The following NAV1 variants were observed in gnomAD, a reference collection of about 807,000 sequenced individuals.
The protein encoded by NAV1 is pore membrane and/or filament interacting like protein 3.
Under a neutral mutation model 175.2 loss-of-function variants are expected in NAV1, and 18 were observed. The observed-to-expected ratio is 0.10, with a 90% confidence interval of 0.07 to 0.15. The LOEUF (loss-of-function observed/expected upper bound fraction) is 0.15, where lower values mean the gene tolerates loss of function less well. Among genes scored for constraint, NAV1 ranks in the 10% least tolerant of loss-of-function variants. The pLI is 1.00. For missense variants in NAV1, 1,731 were observed against 2,436.6 expected, an observed-to-expected ratio of 0.71 and a Z score of 6.10; for synonymous variants, 897 against 978.7, an observed-to-expected ratio of 0.92 and a Z score of 1.56.
At chr1:201,659,420 A>G (rs1036646326) in intron 1 of NAV1, among the ~76,000 whole-genome samples, 1 of 152,222 alleles carries the variant, frequency 6.6e-6, no homozygotes. Context: ...ATTCAAGACC[A>G]GTGTGGGCAA....
chr1:201,678,237 A>G (rs1200647217), intron 1 of NAV1, among the ~76,000 whole-genome samples: 1 of 152,250 alleles, frequency 6.6e-6, no homozygotes, highest in Non-Finnish European at 1.5e-5. Flanking sequence ...TGGAAATACT[A>G]GAACACAAGT....
At chr1:201,612,564 T>C (rs1177843888) in intron 2 of NAV1, among the ~76,000 whole-genome samples, 3 of 152,176 alleles carry the variant, frequency 2.0e-5, no homozygotes, top group African/African-American at 4.8e-5. Context: ...TGAAGGCCTG[T>C]TCCCCATAGA....
intron 1 of NAV1, among the ~76,000 whole-genome samples, chr1:201,696,912 A>T (rs12748583): frequency 6.6e-6 from 1 of 152,094 alleles, no homozygotes; most frequent in African/African-American, 2.4e-5. Context: ...CCTGGCGCAC[A>T]CTCGGGAAAT....
At position 201,813,360 on chromosome 1, in the gene NAV1, T is replaced by C; in HGVS notation, c.5340+102T>C. 3 of 775,314 alleles carry C rather than the reference T, an allele frequency of 3.9e-6. No individual in the cohort carries two copies. Among genetic ancestry groups the C allele is most frequent in the Non-Finnish European group, 6.3e-6 (3 of 473,664 alleles). The allele number at this position is 775,314 out of a possible 1,614,324, so 48.0% of individuals were successfully genotyped here. On this transcript the variant is annotated intron_variant, in intron 28 of 29. Coordinates refer to ENST00000367296, the Ensembl canonical transcript of NAV1. This position sits in a 1 kb window ranked among gnomAD's most constrained non-coding sequence, Gnocchi z 4.2. ...TAGGCATGGGACTACTAGGATTAGT[T>C]AGGTTCTCTTTCTAACAGGTGGAGC... is the stretch of plus-strand genomic sequence containing the variant.
chr1:201,814,151 C>T (rs371807629), intron 28 of NAV1, among the ~76,000 whole-genome samples: 1 of 151,956 alleles, frequency 6.6e-6, no homozygotes, highest in Admixed American at 6.6e-5. Flanking sequence ...AAGGCTGAGG[C>T]GAGAGGACTA....
rs775945591 is a variant in NAV1, at chr1:201,782,444, G to T, written c.1932G>T (p.Gly644=). 1.2e-6 allele frequency: 2 copies of T among 1,614,118 alleles called. No homozygotes were observed. The highest frequency in any genetic ancestry group is 2.2e-5 in the South Asian group (2 of 91,090). Residue 644 remains glycine (G), a synonymous_variant, in exon 6 of 30, where the codon GGG becomes GGT. Transcript: ENST00000367296. This position sits in a 1 kb window ranked among gnomAD's most constrained non-coding sequence, Gnocchi z 5.4. The stretch of plus-strand genomic sequence containing the variant: ...GCATCCCTGTCAAGCCAGTAAATGG[G>T]CGCAAGACTAGCTTAGATGTTTCCA...
chr1:201,638,104 C>G (rs532847635), intron 2 of NAV1, among the ~76,000 whole-genome samples: 60 of 152,320 alleles, frequency 3.9e-4, no homozygotes, highest in African/African-American at 1.4e-3. Context: ...CAGAGATTCT[C>G]TAGCTCCTCC....
intron 1 of NAV1, among the ~76,000 whole-genome samples, chr1:201,588,179 T>C (rs1321017162): frequency 6.6e-6 from 1 of 152,084 alleles, no homozygotes; most frequent in Non-Finnish European, 1.5e-5. Context: ...GAGTGATAAA[T>C]GGATGAACAA....
exon 2 of NAV1, chr1:201,629,428 C>T (rs1668424755): frequency 7.7e-7 from 1 of 1,303,944 alleles, no homozygotes; most frequent in African/African-American, 1.5e-5. Context: ...AGAAACCTGG[C>T]CCCCTCTCCC....
intron 3 of NAV1, among the ~76,000 whole-genome samples, chr1:201,752,874 C>T (rs916207078): frequency 1.3e-5 from 2 of 152,126 alleles, no homozygotes; most frequent in African/African-American, 2.4e-5. Context: ...TGGTAACTTG[C>T]AAATTTTTCC....
chr1:201,572,594 T>C (rs1666577532), intron 1 of NAV1, among the ~76,000 whole-genome samples: 1 of 151,834 alleles, frequency 6.6e-6, no homozygotes, highest in Non-Finnish European at 1.5e-5. Context: ...GGTCTCAAAC[T>C]CCTGACCTCA....
At chr1:201,756,152 C>A (rs1419845686) in intron 3 of NAV1, among the ~76,000 whole-genome samples, 1 of 148,740 alleles carries the variant, frequency 6.7e-6, no homozygotes. Flanking sequence ...CAGAATAGAT[C>A]CAGCATGAAA....
chr1:201,629,541 C>CG, intron 2 of NAV1, 34 bp downstream of exon 4: 1 of 1,276,124 alleles, frequency 7.8e-7, no homozygotes, highest in Non-Finnish European at 1.0e-6. Context: ...CTCCTAGGGT[C>CG]GGGAGGCCAC....
At chr1:201,755,598 G>A (rs1252427447) in intron 3 of NAV1, among the ~76,000 whole-genome samples, 1 of 152,216 alleles carries the variant, frequency 6.6e-6, no homozygotes, top group Non-Finnish European at 1.5e-5. Context: ...TCCATGACCA[G>A]ATATAGGCTA....
At position 201,668,719 on chromosome 1, in the gene NAV1, G is replaced by T. The variant is rs75053570; in HGVS notation, c.757+19294G>T. 7.4e-3 allele frequency among the ~76,000 whole-genome samples: 1,132 copies of T among 152,286 alleles called. 4 individuals carry two copies. Among genetic ancestry groups the T allele is most frequent in the Non-Finnish European group, 0.01 (688 of 68,036 alleles). The stretch of plus-strand genomic sequence containing the variant: ...TCTGTAGTGTATAAAATTGACACTG[G>T]TTCCTAGTCTCGTGGGCTTTTAACG... On this transcript the variant is annotated intron_variant, in intron 1 of 29. Transcript: ENST00000367296.
upstream of NAV1, among the ~76,000 whole-genome samples, chr1:201,643,581 T>G (rs1289569466): frequency 6.6e-6 from 1 of 151,854 alleles, no homozygotes; most frequent in Non-Finnish European, 1.5e-5. Context: ...CCCAGCTAAT[T>G]TTTGTATTTT....
In NAV1 at chr1:201,630,451, G is replaced by C. The variant is rs562501546; in HGVS notation, c.4+944G>C. ...GGCTTAGAACACAGCCTGACCCTGA[G>C]ATCACCGGACAGGATGGTATACTGC... On this transcript the variant is annotated intron_variant, in intron 2 of 29. Coordinates refer to the NAV1 transcript ENST00000367302. Among the ~76,000 whole-genome samples the C allele has an allele frequency of 3.9e-5, 6 of 152,352 alleles. No individual in the cohort carries two copies. The South Asian group carries it at 1.2e-3, about 32-fold the overall frequency.
intron 3 of NAV1, among the ~76,000 whole-genome samples, chr1:201,735,380 G>A (rs2102536288): frequency 6.6e-6 from 1 of 152,262 alleles, no homozygotes; most frequent in Non-Finnish European, 1.5e-5. Context: ...CAAACGTTCT[G>A]GATTTTCTGA....
At chr1:201,794,719 T>G (rs1056268889) in intron 15 of NAV1, 142 bp downstream of exon 19, 4 of 760,270 alleles carry the variant, frequency 5.3e-6, no homozygotes, top group Non-Finnish European at 8.9e-6. Context: ...TTTAGTGTGA[T>G]GTCTGGACTG....
Sources: gnomAD v4.1 joint callset for allele counts (sites outside exome capture counted in the v4.1 genomes callset) on GRCh38, gnomAD v4.1.1 for gene constraint, Gnocchi (gnomAD v3.1) non-coding constraint, MANE v1.5 for transcripts, NCBI Gene and HGNC (gene_info 2026-07-23, HGNC 2026-07-21) for gene names.